The following EYS variants were observed in gnomAD, a reference collection of about 807,000 sequenced individuals.
EYS encodes EGF-like photoreceptor maintenance factor, also known as protein eyes shut homolog.
In EYS, 250 loss-of-function variants were observed where a neutral mutation model predicts 282.1. The ratio of observed to expected loss-of-function variants is 0.89; its 90% CI spans 0.80 to 0.98. The LOEUF (loss-of-function observed/expected upper bound fraction) is 0.98, where lower values mean the gene tolerates loss of function less well. Ranked by LOEUF, EYS falls within the 50% of genes least tolerant of loss-of-function variation. The pLI is 0.00. For synonymous variants in EYS, 1,355 were observed against 1,282.9 expected (o/e 1.06, Z -1.20); for missense variants, 4,016 against 3,709.0 (o/e 1.08, Z -2.15).
intron 19 of EYS, among the ~76,000 whole-genome samples, chr6:64,843,118 T>A (rs1363303358): frequency 6.6e-6 from 1 of 152,052 alleles, no homozygotes; most frequent in African/African-American, 2.4e-5. Context: ...TGGTACCCTC[T>A]GTTCCATCTG....
intron 26 of EYS, among the ~76,000 whole-genome samples, chr6:64,485,863 C>T (rs562447531): frequency 6.6e-6 from 1 of 151,294 alleles, no homozygotes; most frequent in African/African-American, 2.4e-5. Context: ...CCAATGTTTA[C>T]TATTCATTAA....
chr6:64,273,739 T>TGGCAAA (rs1768018284), intron 30 of EYS, among the ~76,000 whole-genome samples: 1 of 152,190 alleles, frequency 6.6e-6, no homozygotes. Flanking sequence ...TCATGGTTAT[T>TGGCAAA]TGCAGCTTGG....
rs1348749601 is a variant in EYS, at chr6:65,005,283, C to T, written c.2138-7580G>A. Among the ~76,000 whole-genome samples the T allele has an allele frequency of 1.4e-5, 2 of 147,906 alleles. 1 individual carries two copies. Among genetic ancestry groups the T allele is most frequent in the Non-Finnish European group, 3.0e-5 (2 of 66,008 alleles). On this transcript the variant is annotated intron_variant, in intron 13 of 42. Coordinates refer to ENST00000503581, the MANE Select transcript of EYS (RefSeq NM_001142800.2). Reference sequence around the variant, plus strand: ...GCTAAGTGCCTGCGTTCATCCTAATCGAGCTGAACGCTAGTCACTGGGTTC... The same window carrying T: ...GCTAAGTGCCTGCGTTCATCCTAATTGAGCTGAACGCTAGTCACTGGGTTC...
chr6:64,096,111 C>G (rs879013990), intron 31 of EYS, among the ~76,000 whole-genome samples: 42 of 152,242 alleles, frequency 2.8e-4, no homozygotes, highest in African/African-American at 9.1e-4. Flanking sequence ...GAGTTTCTGC[C>G]GAGAGATCAG....
intron 15 of EYS, among the ~76,000 whole-genome samples, 179 bp from the exon 16 acceptor site, chr6:64,912,922 T>C (rs1011859763): frequency 1.3e-5 from 2 of 152,098 alleles, no homozygotes; most frequent in African/African-American, 4.8e-5. Context: ...GTATAATATA[T>C]ATTACCATAA....
intron 26 of EYS, among the ~76,000 whole-genome samples, chr6:64,559,165 C>A (rs1172892929): frequency 4.0e-5 from 6 of 151,886 alleles, no homozygotes; most frequent in Non-Finnish European, 7.4e-5. Flanking sequence ...AATGTAATAA[C>A]ATTTCTTCCT....
chr6:65,425,234 A>G (rs1243710864), intron 5 of EYS, among the ~76,000 whole-genome samples: 1 of 152,102 alleles, frequency 6.6e-6, no homozygotes, highest in Non-Finnish European at 1.5e-5. Context: ...TTGAATTACA[A>G]ACTAATCTGT....
At chr6:65,091,977 G>A (rs941537031) in intron 12 of EYS, among the ~76,000 whole-genome samples, 1 of 151,816 alleles carries the variant, frequency 6.6e-6, no homozygotes, top group Admixed American at 6.6e-5. Flanking sequence ...GACTTCCCTC[G>A]GACCCCAGCT....
At chr6:63,826,819 A>G (rs1490435712) in intron 36 of EYS, among the ~76,000 whole-genome samples, 1 of 146,842 alleles carries the variant, frequency 6.8e-6, no homozygotes, top group Non-Finnish European at 1.5e-5. Flanking sequence ...CAGAGGATCT[A>G]TAAAACAAAA....
intron 19 of EYS, among the ~76,000 whole-genome samples, chr6:64,844,254 G>C (rs1034893783): frequency 6.6e-6 from 1 of 151,718 alleles, no homozygotes; most frequent in African/African-American, 2.4e-5. Context: ...TGTGTATATC[G>C]TCGTTCTTAA....
At chr6:64,328,604 A>G (rs1313132776) in intron 29 of EYS, among the ~76,000 whole-genome samples, 1 of 152,198 alleles carries the variant, frequency 6.6e-6, no homozygotes, top group African/African-American at 2.4e-5. Flanking sequence ...GCCAGGCACA[A>G]GGAGACATAA....
intron 31 of EYS, among the ~76,000 whole-genome samples, chr6:64,134,423 A>T (rs1774092312): frequency 6.6e-6 from 1 of 152,096 alleles, no homozygotes; most frequent in South Asian, 2.1e-4. Context: ...AAAGGTTATG[A>T]AGCATGAGGG....
At chr6:64,453,769 A>C (rs1243473989) in intron 26 of EYS, among the ~76,000 whole-genome samples, 1 of 152,124 alleles carries the variant, frequency 6.6e-6, no homozygotes, top group Non-Finnish European at 1.5e-5. Context: ...AAAAAACCAA[A>C]CACCGCATGT....
intron 12 of EYS, among the ~76,000 whole-genome samples, chr6:65,272,169 T>C (rs1767923514): frequency 6.6e-6 from 1 of 152,218 alleles, no homozygotes. Context: ...AAGTATCATA[T>C]ACTCAGTCAC....
chr6:65,288,433 A>G (rs1204596084), intron 12 of EYS, among the ~76,000 whole-genome samples: 1 of 150,614 alleles, frequency 6.6e-6, no homozygotes, highest in East Asian at 1.9e-4. Context: ...AGAATACGAG[A>G]TAGATACAAA....
intron 24 of EYS, among the ~76,000 whole-genome samples, chr6:64,606,837 A>G (rs1766953009): frequency 6.6e-6 from 1 of 152,022 alleles, no homozygotes; most frequent in South Asian, 2.1e-4. Flanking sequence ...GGCAAAACCA[A>G]ATCAAACACT....
intron 19 of EYS, among the ~76,000 whole-genome samples, chr6:64,870,287 T>C (rs1023837473): frequency 6.6e-6 from 1 of 151,658 alleles, no homozygotes. Context: ...AGAAAGTGAT[T>C]GTGAATACTC....
chr6:63,896,365 G>A (rs1458496317), intron 35 of EYS, among the ~76,000 whole-genome samples: 2 of 152,122 alleles, frequency 1.3e-5, no homozygotes, highest in African/African-American at 4.8e-5. Context: ...ATGTATTCAA[G>A]GCATGTACCT....
intron 26 of EYS, among the ~76,000 whole-genome samples, chr6:64,481,298 A>G (rs1776430513): frequency 6.8e-6 from 1 of 147,252 alleles, no homozygotes; most frequent in Admixed American, 6.8e-5. Flanking sequence ...ATATATATAT[A>G]ATTAGAGAGC....
Sources: gnomAD v4.1 joint callset for allele counts (sites outside exome capture counted in the v4.1 genomes callset) on GRCh38, gnomAD v4.1.1 for gene constraint, MANE v1.5 for transcripts, NCBI Gene and HGNC (gene_info 2026-07-23, HGNC 2026-07-21) for gene names.